Variants in ROR1 observed in about 807,000 individuals in gnomAD.
ROR1 encodes the protein ROR family WNT receptor 1.
Under a neutral mutation model 78.8 loss-of-function variants are expected in ROR1, and 19 were observed. The observed-to-expected ratio is 0.24, with a 90% confidence interval of 0.17 to 0.35. The LOEUF (loss-of-function observed/expected upper bound fraction) is 0.35, where lower values mean the gene tolerates loss of function less well. ROR1 is among the 10% of genes least tolerant of loss of function. The pLI, the probability that ROR1 is intolerant of heterozygous loss-of-function variation, is 1.00. For synonymous variants in ROR1, 386 were observed against 433.6 expected, an observed-to-expected ratio of 0.89 and a Z score of 1.36; for missense variants, 917 against 1,177.8, an observed-to-expected ratio of 0.78 and a Z score of 3.24.
chr1:64,036,534 A>G (rs935383335), intron 2 of ROR1, among the ~76,000 whole-genome samples: 1 of 152,100 alleles, frequency 6.6e-6, no homozygotes. Context: ...AATATTTGTG[A>G]TAATCCATGT....
At chr1:63,957,848 T>C (rs369530392) in intron 1 of ROR1, among the ~76,000 whole-genome samples, 24 of 151,978 alleles carry the variant, frequency 1.6e-4, no homozygotes, top group African/African-American at 5.8e-4. Context: ...GTTCAAATGA[T>C]TCTCCTGCCT....
intron 1 of ROR1, among the ~76,000 whole-genome samples, chr1:63,846,122 GT>G (rs1346966719): frequency 2.6e-4 from 1 of 3,818 alleles, no homozygotes; most frequent in Admixed American, 2.4e-3. Context: ...GAGAGAATGT[GT>G]GTGTGTGTGT....
At chr1:64,109,532 T>C (rs975567093) in intron 4 of ROR1, among the ~76,000 whole-genome samples, 5 of 152,084 alleles carry the variant, frequency 3.3e-5, no homozygotes, top group African/African-American at 1.2e-4. Flanking sequence ...ACATAGAATC[T>C]TCCTTGTGCT....
chr1:63,937,389 C>G lies in ROR1; in HGVS notation c.92-71916C>G, dbSNP rs150617189. ...CACTCTAGGAATGCCCTTTCAGGTA[C>G]CAACACTGCAAGATGGACCCTTCTA... On this transcript the variant is annotated intron_variant, in intron 1 of 8. Coordinates refer to ENST00000371079, the MANE Select transcript of ROR1 (RefSeq NM_005012.4). Among the ~76,000 whole-genome samples the G allele has an allele frequency of 1.5e-3, 229 of 152,314 alleles. 1 individual carries two copies. Among genetic ancestry groups the G allele is most frequent in the Middle Eastern group, 3.4e-3 (1 of 294 alleles).
At chr1:64,142,332 C>T in intron 6 of ROR1, 73 bp from the exon 7 acceptor site, 2 of 1,578,000 alleles carry the variant, frequency 1.3e-6, no homozygotes, top group African/African-American at 2.7e-5. Context: ...CCTCCAGAAA[C>T]TGCTGGCTAG....
chr1:64,179,011 A>C lies in ROR1; in HGVS notation c.*156A>C, dbSNP rs895834318. The stretch of plus-strand genomic sequence containing the variant: ...TTCACTGTGTCTTACCAAGCAGGAC[A>C]GACACTCGGCCAGAAAAAAAAAAAA... On this transcript the variant is annotated 3_prime_UTR_variant, in exon 9 of 9. Coordinates refer to ENST00000371079, the MANE Select transcript of ROR1 (RefSeq NM_005012.4). 8 of 405,504 alleles carry C rather than the reference A, an allele frequency of 2.0e-5. No homozygotes were observed. The highest frequency in any genetic ancestry group is 3.0e-5 in the Non-Finnish European group (7 of 235,628). 25.1% of individuals were successfully genotyped at this position (405,504 alleles called of 1,614,324 possible).
At chr1:63,823,516 C>CAT (rs1447607116) in intron 1 of ROR1, among the ~76,000 whole-genome samples, 1 of 126,938 alleles carries the variant, frequency 7.9e-6, no homozygotes, top group African/African-American at 3.0e-5. Context: ...GTGGTGCTAT[C>CAT]ATAGCTCGTT....
At chr1:64,055,158 T>G (rs1646864510) in intron 4 of ROR1, among the ~76,000 whole-genome samples, 1 of 152,224 alleles carries the variant, frequency 6.6e-6, no homozygotes, top group South Asian at 2.1e-4. Flanking sequence ...GTTCAACCCA[T>G]AACACTTGAT....
At chr1:63,995,665 G>A (rs1029376324) in intron 1 of ROR1, among the ~76,000 whole-genome samples, 20 of 152,108 alleles carry the variant, frequency 1.3e-4, no homozygotes, top group Non-Finnish European at 2.4e-4. Flanking sequence ...TAACCTCATT[G>A]AGCCTTAGAG....
At chr1:64,085,000 A>G (rs1647139792) in intron 4 of ROR1, among the ~76,000 whole-genome samples, 1 of 152,196 alleles carries the variant, frequency 6.6e-6, no homozygotes, top group African/African-American at 2.4e-5. Flanking sequence ...CTCATAGCAT[A>G]CTAGTAATTC....
rs2057544 is a variant in ROR1, at chr1:64,090,384, A to G, written c.482+39668A>G. Reference sequence around the variant, plus strand: ...GATGAACATTAGTTGATGCATTGAAACATGGATTATGTCAAATATCCCATG... The same window carrying G: ...GATGAACATTAGTTGATGCATTGAAGCATGGATTATGTCAAATATCCCATG... On this transcript the variant is annotated intron_variant, in intron 4 of 8. Coordinates refer to ENST00000371079, the MANE Select transcript of ROR1 (RefSeq NM_005012.4). Among the ~76,000 whole-genome samples the G allele has an allele frequency of 5.4e-3, 829 of 152,342 alleles. 8 individuals carry two copies. The highest frequency in any genetic ancestry group is 0.019 in the African/African-American group (796 of 41,592).
chr1:64,077,750 T>G (rs1260764), intron 4 of ROR1, among the ~76,000 whole-genome samples: 55,551 of 152,204 alleles, frequency 0.36, 13,464 homozygotes, highest in African/African-American at 0.69. Flanking sequence ...AAACCATTTC[T>G]AATTTCATGA....
chr1:63,928,418 A>G (rs1645724990), intron 1 of ROR1, among the ~76,000 whole-genome samples: 1 of 152,212 alleles, frequency 6.6e-6, no homozygotes, highest in African/African-American at 2.4e-5. Flanking sequence ...CATTACTTTT[A>G]TTAGCAACTT....
intron 1 of ROR1, among the ~76,000 whole-genome samples, chr1:63,878,747 G>T (rs899795389): frequency 6.6e-6 from 1 of 152,050 alleles, no homozygotes; most frequent in South Asian, 2.1e-4. Context: ...CTCATCCAGG[G>T]CATTCATTCT....
intron 1 of ROR1, among the ~76,000 whole-genome samples, chr1:63,786,489 G>T (rs1201562013): frequency 6.7e-6 from 1 of 150,366 alleles, no homozygotes; most frequent in Admixed American, 6.6e-5. Flanking sequence ...AGCCAGGATG[G>T]TCTCGATCTC....
chr1:64,109,583 A>C (rs1647990882), intron 4 of ROR1, among the ~76,000 whole-genome samples: 1 of 152,134 alleles, frequency 6.6e-6, no homozygotes, highest in Non-Finnish European at 1.5e-5. Flanking sequence ...TCCTTTCTGA[A>C]AAATCACAAT....
chr1:64,029,534 GA>G (rs1646642431), intron 2 of ROR1, among the ~76,000 whole-genome samples: 1 of 152,142 alleles, frequency 6.6e-6, no homozygotes, highest in Non-Finnish European at 1.5e-5. Context: ...TACAGTTCTG[GA>G]GGCTGGAAAG....
At chr1:63,850,042 T>A (rs1569814966) in intron 1 of ROR1, among the ~76,000 whole-genome samples, 1 of 152,352 alleles carries the variant, frequency 6.6e-6, no homozygotes, top group African/African-American at 2.4e-5. Context: ...CATGCATGTT[T>A]TTATATTTTT....
intron 4 of ROR1, among the ~76,000 whole-genome samples, chr1:64,067,869 C>T (rs1342253575): frequency 1.3e-5 from 2 of 151,926 alleles, no homozygotes; most frequent in African/African-American, 2.4e-5. Context: ...CCTGCCACCG[C>T]GCCCGGGTAA....
Sources: gnomAD v4.1 joint callset for allele counts (sites outside exome capture counted in the v4.1 genomes callset) on GRCh38, gnomAD v4.1.1 for gene constraint, MANE v1.5 for transcripts, NCBI Gene and HGNC (gene_info 2026-07-23, HGNC 2026-07-21) for gene names.